Variants in PPFIA2 observed in about 807,000 individuals in gnomAD.
The protein encoded by PPFIA2 is liprin-alpha-2.
A neutral mutation model predicts 175.5 loss-of-function variants in PPFIA2; 46 were observed. The observed-to-expected ratio is 0.26, with a 90% CI of 0.21 to 0.34. PPFIA2 has a LOEUF of 0.34. PPFIA2 is among the 10% of genes least tolerant of loss of function. The pLI, the probability that PPFIA2 is intolerant of heterozygous loss-of-function variation, is 1.00. For missense variants in PPFIA2, 1,179 were observed against 1,506.1 expected, an observed-to-expected ratio of 0.78 and a Z score of 3.60; for synonymous variants, 568 against 511.4, an observed-to-expected ratio of 1.11 and a Z score of -1.49.
intron 4 of PPFIA2, among the ~76,000 whole-genome samples, chr12:81,646,106 T>C (rs1415369183): frequency 1.3e-5 from 2 of 152,110 alleles, no homozygotes; most frequent in Admixed American, 6.6e-5. Flanking sequence ...TCAGCTGCCA[T>C]GAAGAAAGGT....
intron 4 of PPFIA2, among the ~76,000 whole-genome samples, chr12:81,606,897 T>C (rs1038988345): frequency 2.0e-5 from 3 of 152,170 alleles, no homozygotes; most frequent in Non-Finnish European, 4.4e-5. Context: ...AATGCCGATG[T>C]TGAGAATGGT....
chr12:81,724,026 A>T (rs1018553547), intron 3 of PPFIA2, among the ~76,000 whole-genome samples: 16 of 150,952 alleles, frequency 1.1e-4, no homozygotes, highest in Admixed American at 3.3e-4. Context: ...AAATATAAGA[A>T]AAGTGAAACA....
At chr12:81,384,880 A>C (rs1161795819) in intron 8 of PPFIA2, among the ~76,000 whole-genome samples, 1 of 152,144 alleles carries the variant, frequency 6.6e-6, no homozygotes, top group Non-Finnish European at 1.5e-5. Context: ...GGGGTTAAAT[A>C]TTTTGAGAGC....
At chr12:81,498,952 A>G (rs1366602160) in intron 4 of PPFIA2, among the ~76,000 whole-genome samples, 1 of 152,184 alleles carries the variant, frequency 6.6e-6, no homozygotes, top group Admixed American at 6.5e-5. Context: ...CATGTTTCCC[A>G]TTGAGAAAGT....
At chr12:81,623,439 A>T (rs192834956) in intron 4 of PPFIA2, among the ~76,000 whole-genome samples, 1 of 152,164 alleles carries the variant, frequency 6.6e-6, no homozygotes, top group African/African-American at 2.4e-5. Context: ...AAAATGATGT[A>T]TCATTGGCCT....
At chr12:81,311,449 G>A (rs941312802) in intron 22 of PPFIA2, among the ~76,000 whole-genome samples, 5 of 152,038 alleles carry the variant, frequency 3.3e-5, no homozygotes, top group African/African-American at 1.2e-4. Flanking sequence ...GAAAGGTAGA[G>A]GCGGCCCGGC....
chr12:81,674,569 G>A (rs1389009648), intron 4 of PPFIA2, among the ~76,000 whole-genome samples: 1 of 151,980 alleles, frequency 6.6e-6, no homozygotes, highest in Non-Finnish European at 1.5e-5. Context: ...TCGCTAGGCT[G>A]AAGCAGGAGA....
chr12:81,425,151 C>T lies in PPFIA2; in HGVS notation c.645+14821G>A, dbSNP rs137879211. 9.1e-4 allele frequency among the ~76,000 whole-genome samples: 138 copies of T among 152,254 alleles called. 1 individual carries two copies. The highest frequency in any genetic ancestry group is 3.1e-3 in the African/African-American group (128 of 41,564). ...ATTAGATAATCGCAAGATCTCAATA[C>T]ATTTTCACTGTTAATAACAGCAATA... On this transcript the variant is annotated intron_variant, in intron 7 of 32. Transcript: ENST00000549396.
chr12:81,519,538 G>A (rs2062856273), intron 4 of PPFIA2, among the ~76,000 whole-genome samples: 1 of 152,200 alleles, frequency 6.6e-6, no homozygotes. Context: ...TAGGGGTACA[G>A]TTAGTCGCAG....
intron 5 of PPFIA2, among the ~76,000 whole-genome samples, chr12:81,447,136 A>AAATAAT (rs576032530): frequency 1.3e-5 from 2 of 152,058 alleles, no homozygotes; most frequent in South Asian, 2.1e-4. Context: ...GTCTCTACTA[A>AAATAAT]AATAATAATA....
chr12:81,412,749 T>A (rs1018150489), intron 7 of PPFIA2, among the ~76,000 whole-genome samples: 1 of 151,902 alleles, frequency 6.6e-6, no homozygotes, highest in Non-Finnish European at 1.5e-5. Flanking sequence ...GCAAATAATA[T>A]CTACTTTATA....
At chr12:81,452,433 C>G (rs1398345927) in intron 5 of PPFIA2, among the ~76,000 whole-genome samples, 1 of 152,136 alleles carries the variant, frequency 6.6e-6, no homozygotes, top group Non-Finnish European at 1.5e-5. Context: ...CTTACTCAAC[C>G]CACTCCATAT....
At chr12:81,620,002 A>G (rs1230308984) in intron 4 of PPFIA2, among the ~76,000 whole-genome samples, 6 of 151,984 alleles carry the variant, frequency 3.9e-5, no homozygotes, top group Admixed American at 3.9e-4. Context: ...TACTGAAAAT[A>G]CAAAAAAATT....
chr12:81,297,960 T>A (rs1594211403), intron 23 of PPFIA2: 1 of 152,236 alleles, frequency 6.6e-6, no homozygotes, highest in East Asian at 1.9e-4. Flanking sequence ...ATAGGCAATT[T>A]CTGTGTACTC....
intron 22 of PPFIA2, among the ~76,000 whole-genome samples, chr12:81,314,252 A>G (rs2051750658): frequency 6.6e-6 from 1 of 152,052 alleles, no homozygotes; most frequent in African/African-American, 2.4e-5. Flanking sequence ...ATATTTGCAG[A>G]GAAGTTTTTT....
chr12:81,703,515 C>T (rs1251948289), intron 3 of PPFIA2, among the ~76,000 whole-genome samples: 1 of 152,140 alleles, frequency 6.6e-6, no homozygotes. Context: ...AACCCACTAA[C>T]TTGTAACAGA....
intron 4 of PPFIA2, among the ~76,000 whole-genome samples, chr12:81,584,744 C>G (rs1271431474): frequency 2.1e-5 from 3 of 141,920 alleles, no homozygotes. Context: ...TAAGGCCTAT[C>G]TAAAACATAT....
intron 17 of PPFIA2, chr12:81,350,356 T>C (rs940532041): frequency 2.6e-4 from 40 of 152,286 alleles, no homozygotes; most frequent in African/African-American, 8.2e-4. Flanking sequence ...CAAATAAAGG[T>C]GAGCAAAGCC....
intron 4 of PPFIA2, among the ~76,000 whole-genome samples, chr12:81,517,572 G>T (rs1031262690): frequency 5.9e-5 from 9 of 152,106 alleles, no homozygotes; most frequent in Non-Finnish European, 1.5e-5. Flanking sequence ...CTGAAATACG[G>T]CTATCTGAGA....
Sources: allele counts gnomAD v4.1 joint callset (sites outside exome capture counted in the v4.1 genomes callset), GRCh38; gene constraint gnomAD v4.1.1; transcripts MANE v1.5; gene names NCBI Gene and HGNC (gene_info 2026-07-23, HGNC 2026-07-21).